Variants in RYR1 observed in about 807,000 individuals in gnomAD.
RYR1 encodes ryanodine receptor 1.
Under a neutral mutation model 583.5 loss-of-function variants are expected in RYR1, and 342 were observed. The observed-to-expected ratio is 0.59, with a 90% CI of 0.54 to 0.64. RYR1 has a LOEUF of 0.64. Among genes scored for constraint, RYR1 ranks in the 30% least tolerant of loss-of-function variants. RYR1 has a pLI of 0.00. For synonymous variants in RYR1, 2,791 were observed against 2,822.5 expected, an observed-to-expected ratio of 0.99 and a Z score of 0.35; for missense variants, 6,032 against 6,917.2, an observed-to-expected ratio of 0.87 and a Z score of 4.54.
intron 101 of RYR1, among the ~76,000 whole-genome samples, chr19:38,583,883 T>C (rs903614188): frequency 4.6e-5 from 7 of 152,010 alleles, no homozygotes; most frequent in African/African-American, 1.7e-4. Context: ...CAGAGCCACA[T>C]GCCCAGGCCC....
At chr19:38,457,762 G>A (rs1387389719) in intron 17 of RYR1, 132 bp downstream of exon 17, 1 of 953,092 alleles carries the variant, frequency 1.0e-6, no homozygotes. Flanking sequence ...CCTCACAGAT[G>A]TCCACTGTGG....
At position 38,455,347 on chromosome 19, in the gene RYR1, T is replaced by C. The variant is rs1195513704; in HGVS notation, c.1553T>C (p.Val518Ala). 15 of 1,613,978 alleles carry C rather than the reference T, an allele frequency of 9.3e-6. No homozygotes were observed. The highest frequency in any genetic ancestry group is 1.2e-5 in the Non-Finnish European group (14 of 1,180,010). ...GCAGCCGAGTCCTGGAAAGAGATTG[T>C]GAATCTTCTCTATGAACTCCTAGGT... is the stretch of plus-strand genomic sequence containing the variant. Reference protein sequence around the residue: ...EEAAESWKEIVNLLYELLASL... With the variant: ...EEAAESWKEIANLLYELLASL... Residue 518 changes from valine (V) to alanine (A), a missense_variant, in exon 14 of 106, where the codon GTG becomes GCG. Val to Ala is a moderately conservative substitution (Grantham distance 64, BLOSUM62 0). This residue lies in a region of RYR1 where 2,627 missense variants were observed against 2,961.3 expected (regional missense o/e 0.89). Transcript: ENST00000359596.
At position 38,565,484 on chromosome 19, in the gene RYR1, C is replaced by T; in HGVS notation, c.13150C>T (p.Pro4384Ser). Residue 4384 changes from proline to serine, a missense_variant, in exon 91 of 106, where the codon CCC becomes TCC. Transcript: ENST00000359596. This position sits in a 1 kb window ranked among gnomAD's most constrained non-coding sequence, Gnocchi z 4.7. ...GGTGACCGAGCTCCTGGCAGGCATG[C>T]CCGACCCCACCAGCGACGAGGTGCA... ...VTVTELLAGM[P>S]DPTSDEVHGE... 2.0e-6 allele frequency: 3 copies of T among 1,505,372 alleles called. No individual in the cohort carries two copies. The highest frequency in any genetic ancestry group is 2.6e-6 in the Non-Finnish European group (3 of 1,134,556). The allele number at this position is 1,505,372 out of a possible 1,614,324, so 93.3% of individuals were successfully genotyped here.
At chr19:38,536,311 C>T (rs1971967103) in intron 82 of RYR1, among the ~76,000 whole-genome samples, 2 of 125,052 alleles carry the variant, frequency 1.6e-5, no homozygotes, top group Admixed American at 2.0e-4. Context: ...GTCATTCTGT[C>T]TTGTGTTCTC....
chr19:38,515,049 T>G lies in RYR1; in HGVS notation c.9496T>G (p.Tyr3166Asp). Residue 3166 changes from tyrosine to aspartate, a missense_variant, in exon 64 of 106, where the codon TAC becomes GAC. By Grantham distance (160) the Tyr-to-Asp change is radical. Coordinates refer to ENST00000359596, the MANE Select transcript of RYR1 (RefSeq NM_000540.3). ...VILDDVQVSCYRTLCSIYSLG... is the reference protein window; with the variant it reads ...VILDDVQVSCDRTLCSIYSLG... The stretch of plus-strand genomic sequence containing the variant: ...AGTGGACGACGTCCAGGTCTCTTGC[T>G]ACCGAACGCTGTGCAGTATCTACTC... 6.2e-7 allele frequency: 1 copy of G among 1,613,318 alleles called. No homozygotes were observed. Among genetic ancestry groups the G allele is most frequent in the Non-Finnish European group, 8.5e-7 (1 of 1,179,792 alleles).
chr19:38,506,383 A>T lies in RYR1; in HGVS notation c.8616+6A>T. ...CCCTGTCCCGGGAGCTGCAGGTGAG[A>T]GCCCTGATCCTTTTGGGGGGACATA... On this transcript the variant is annotated splice_donor_region_variant and intron_variant, in intron 55 of 105. Coordinates refer to ENST00000359596, the MANE Select transcript of RYR1 (RefSeq NM_000540.3). 2 of 1,613,240 alleles carry T rather than the reference A, an allele frequency of 1.2e-6. No homozygotes were observed. The highest frequency in any genetic ancestry group is 2.2e-5 in the South Asian group (2 of 91,052).
intron 3 of RYR1, among the ~76,000 whole-genome samples, chr19:38,442,735 A>G (rs1600637937): frequency 6.6e-6 from 1 of 151,966 alleles, no homozygotes; most frequent in South Asian, 2.1e-4. Flanking sequence ...CCCCCACCCC[A>G]GTTGTCAGGG....
At chr19:38,570,865 G>A (rs1331870123) in intron 94 of RYR1, among the ~76,000 whole-genome samples, 172 bp downstream of exon 94, 1 of 152,194 alleles carries the variant, frequency 6.6e-6, no homozygotes, top group Non-Finnish European at 1.5e-5. Context: ...CCCTCCATGG[G>A]GGTGAGTAGG....
intron 20 of RYR1, among the ~76,000 whole-genome samples, chr19:38,461,170 C>T (rs900425882): frequency 2.3e-5 from 3 of 129,578 alleles, no homozygotes; most frequent in African/African-American, 8.4e-5. Flanking sequence ...AACAAACAAA[C>T]AAAAACAACC....
chr19:38,543,052 G>A lies in RYR1; in HGVS notation c.11690-295G>A, dbSNP rs914269058. On this transcript the variant is annotated intron_variant, in intron 84 of 105. Coordinates refer to ENST00000359596, the MANE Select transcript of RYR1 (RefSeq NM_000540.3). The surrounding 1 kb of genome is among the most constrained non-coding windows in gnomAD (Gnocchi z 4.4). ...AGACGGGGTTTCACCATGTTGGTCA[G>A]GCTGGTCTCAAACTCCTGACCTCAG... Among the ~76,000 whole-genome samples the A allele has an allele frequency of 2.6e-5, 4 of 151,966 alleles. No homozygotes were observed. The highest frequency in any genetic ancestry group is 9.7e-5 in the African/African-American group (4 of 41,374).
intron 90 of RYR1, 35 bp from the exon 91 acceptor site, chr19:38,564,924 C>T (rs1973319757): frequency 6.4e-7 from 1 of 1,553,744 alleles, no homozygotes; most frequent in South Asian, 1.2e-5. Context: ...CCCCCGCTGA[C>T]GGCGCCCTAT....
chr19:38,458,168 G>A lies in RYR1; in HGVS notation c.2043G>A (p.Leu681=). The A allele has an allele frequency of 1.2e-6, 2 of 1,612,846 alleles. No homozygotes were observed. The highest frequency in any genetic ancestry group is 8.5e-7 in the Non-Finnish European group (1 of 1,179,646). ...TTCTGACAGCTCAGGCCACCCACTT[G>A]CGGGTGGGCTGGGCCCTCACCGAGG... is the stretch of plus-strand genomic sequence containing the variant. ...TPFLTAQATH[L]RVGWALTEGY... The change falls in exon 18 of 106, where the codon TTG becomes TTA. Residue 681 remains leucine, a synonymous_variant. Transcript: ENST00000359596.
chr19:38,575,731 A>T (rs1049539684), intron 96 of RYR1, among the ~76,000 whole-genome samples, 188 bp from the exon 97 acceptor site: 4 of 152,154 alleles, frequency 2.6e-5, no homozygotes, highest in African/African-American at 9.7e-5. Context: ...TGAACCTGGG[A>T]GGCAAAGTTT....
chr19:38,523,360 C>T, intron 69 of RYR1, 51 bp downstream of exon 69: 3 of 1,609,096 alleles, frequency 1.9e-6, no homozygotes, highest in Non-Finnish European at 2.6e-6. Flanking sequence ...CGGGAGCACC[C>T]TCTAGGACTT....
chr19:38,543,976 C>A lies in RYR1; in HGVS notation c.12012+101C>A. The A allele has an allele frequency of 1.7e-6, 2 of 1,158,366 alleles. No homozygotes were observed. The highest frequency in any genetic ancestry group is 1.5e-5 in the African/African-American group (1 of 65,712). 71.8% of individuals were successfully genotyped at this position (1,158,366 alleles called of 1,614,324 possible). ...TGGTCAGTTTGTCACCCGAGTGCTC[C>A]CGGCATGTTCCAGACTGGTTCCCTC... On this transcript the variant is annotated intron_variant, in intron 87 of 105. Coordinates refer to ENST00000359596, the MANE Select transcript of RYR1 (RefSeq NM_000540.3). This position sits in a 1 kb window ranked among gnomAD's most constrained non-coding sequence, Gnocchi z 4.4.
intron 29 of RYR1, among the ~76,000 whole-genome samples, chr19:38,476,440 A>G (rs975688416): frequency 4.6e-5 from 7 of 151,404 alleles, no homozygotes; most frequent in Non-Finnish European, 1.0e-4. Flanking sequence ...CTCGTGGTCT[A>G]CCCGCCTCGG....
chr19:38,482,948 GC>G (rs937559213), intron 31 of RYR1, 78 bp from the exon 32 acceptor site: 9 of 1,239,266 alleles, frequency 7.3e-6, no homozygotes, highest in Non-Finnish European at 1.1e-5. Context: ...CTACAAATTG[GC>G]CCCAGAGTTT....
intron 52 of RYR1, 40 bp downstream of exon 52, chr19:38,505,121 C>T: frequency 6.4e-7 from 1 of 1,562,564 alleles, no homozygotes; most frequent in South Asian, 1.1e-5. Context: ...ACCCTCAAGA[C>T]CCCAGCTTTC....
At chr19:38,503,929 T>C (rs761038430) in intron 49 of RYR1, among the ~76,000 whole-genome samples, 2 of 152,152 alleles carry the variant, frequency 1.3e-5, no homozygotes, top group Admixed American at 1.3e-4. Context: ...TACATACCCA[T>C]GGATTAATAT....
Sources: gnomAD v4.1 joint callset for allele counts (sites outside exome capture counted in the v4.1 genomes callset) on GRCh38, gnomAD v4.1.1 for gene constraint, gnomAD v4.1.1 regional missense constraint, Gnocchi (gnomAD v3.1) non-coding constraint, MANE v1.5 for transcripts, NCBI Gene and HGNC (gene_info 2026-07-23, HGNC 2026-07-21) for gene names.